Variants in NTM observed in about 807,000 individuals in gnomAD.
NTM encodes neurotrimin.
A neutral mutation model predicts 42.1 loss-of-function variants in NTM; 13 were observed. The ratio of observed to expected loss-of-function variants is 0.31; its 90% confidence interval spans 0.20 to 0.49. The LOEUF (loss-of-function observed/expected upper bound fraction) is 0.49, where lower values mean the gene tolerates loss of function less well. Among genes scored for constraint, NTM ranks in the 20% least tolerant of loss-of-function variants. The pLI is 0.99. For missense variants in NTM, 373 were observed against 452.8 expected (o/e 0.82, Z 1.60); for synonymous variants, 187 against 179.2 (o/e 1.04, Z -0.35).
intron 1 of NTM, among the ~76,000 whole-genome samples, chr11:131,802,954 G>A (rs2092248750): frequency 6.6e-6 from 1 of 152,190 alleles, no homozygotes; most frequent in South Asian, 2.1e-4. Flanking sequence ...ATGTGTTTGT[G>A]AGCAGACAGA....
chr11:131,750,587 A>G (rs768032474), intron 1 of NTM, among the ~76,000 whole-genome samples: 2 of 152,196 alleles, frequency 1.3e-5, no homozygotes, highest in African/African-American at 2.4e-5. Context: ...CTAAGTCATT[A>G]TTAAATCCTG....
chr11:132,298,793 T>C (rs2094722519), intron 4 of NTM, among the ~76,000 whole-genome samples: 1 of 152,216 alleles, frequency 6.6e-6, no homozygotes, highest in African/African-American at 2.4e-5. Flanking sequence ...TATTCAACCA[T>C]ATACACATAT....
chr11:131,491,227 C>T (rs931253017), intron 1 of NTM, among the ~76,000 whole-genome samples: 6 of 152,166 alleles, frequency 3.9e-5, no homozygotes, highest in African/African-American at 9.7e-5. Context: ...AATCAGTCAA[C>T]TATGCCAGAG....
intron 1 of NTM, among the ~76,000 whole-genome samples, chr11:131,847,434 T>A (rs1164440777): frequency 2.0e-5 from 3 of 151,970 alleles, no homozygotes; most frequent in Non-Finnish European, 4.4e-5. Flanking sequence ...GGTACAGAAA[T>A]AGACCATTGT....
intron 1 of NTM, among the ~76,000 whole-genome samples, chr11:131,881,502 ACACACACCCC>A (rs779840706): frequency 5.5e-4 from 84 of 151,462 alleles, no homozygotes; most frequent in Non-Finnish European, 1.1e-3. Flanking sequence ...ACACACACAC[ACACACACCCC>A]CCAAAGCTTT....
At chr11:131,378,191 G>A (rs1026929327) in intron 1 of NTM, among the ~76,000 whole-genome samples, 2 of 152,212 alleles carry the variant, frequency 1.3e-5, no homozygotes, top group African/African-American at 4.8e-5. Flanking sequence ...CTAATCTGCA[G>A]TCAGGTTGAA....
At chr11:132,207,970 G>T (rs1222012841) in intron 3 of NTM, among the ~76,000 whole-genome samples, 1 of 152,146 alleles carries the variant, frequency 6.6e-6, no homozygotes. Flanking sequence ...TTGAGGAAAA[G>T]GATGGTATCT....
At chr11:132,236,258 G>A (rs1486704846) in intron 4 of NTM, among the ~76,000 whole-genome samples, 1 of 152,154 alleles carries the variant, frequency 6.6e-6, no homozygotes, top group South Asian at 2.1e-4. Context: ...TTACAGATAA[G>A]AACATTGAAG....
intron 1 of NTM, among the ~76,000 whole-genome samples, chr11:131,857,452 G>T (rs995741998): frequency 1.3e-5 from 2 of 152,120 alleles, no homozygotes; most frequent in Non-Finnish European, 2.9e-5. Context: ...AATGAGTCCA[G>T]CTGGAAATCA....
At chr11:131,797,297 C>T (rs978344257) in intron 1 of NTM, among the ~76,000 whole-genome samples, 1 of 152,140 alleles carries the variant, frequency 6.6e-6, no homozygotes, top group Non-Finnish European at 1.5e-5. Context: ...TCCATCCACA[C>T]ATTGTTATAG....
At chr11:132,219,367 C>G (rs928434491) in intron 4 of NTM, among the ~76,000 whole-genome samples, 1 of 152,064 alleles carries the variant, frequency 6.6e-6, no homozygotes, top group Non-Finnish European at 1.5e-5. Context: ...CAGGAACCAC[C>G]CTAATGCTGT....
At chr11:131,554,329 T>C (rs1252375504) in intron 1 of NTM, among the ~76,000 whole-genome samples, 1 of 152,176 alleles carries the variant, frequency 6.6e-6, no homozygotes, top group Non-Finnish European at 1.5e-5. Context: ...CCTGTGATGG[T>C]TTGAGGCTTA....
At chr11:132,220,886 G>T (rs559846474) in intron 4 of NTM, among the ~76,000 whole-genome samples, 1 of 152,310 alleles carries the variant, frequency 6.6e-6, no homozygotes, top group Admixed American at 6.5e-5. Context: ...AGCCCCTACA[G>T]GGCAGGAGAC....
intron 2 of NTM, among the ~76,000 whole-genome samples, chr11:132,032,973 T>C (rs991156377): frequency 6.6e-6 from 1 of 152,310 alleles, no homozygotes; most frequent in Non-Finnish European, 1.5e-5. Flanking sequence ...TTTTTGAGCT[T>C]GACAGAAAGG....
chr11:132,039,424 T>G (rs958310733), intron 2 of NTM, among the ~76,000 whole-genome samples: 3 of 151,596 alleles, frequency 2.0e-5, no homozygotes, highest in Non-Finnish European at 2.9e-5. Flanking sequence ...AATTTTTTTT[T>G]TTTTTTTTTT....
At chr11:131,481,490 T>C (rs1408825234) in intron 1 of NTM, among the ~76,000 whole-genome samples, 1 of 152,190 alleles carries the variant, frequency 6.6e-6, no homozygotes, top group Non-Finnish European at 1.5e-5. Flanking sequence ...ACTTCAGATG[T>C]GGTTAATGTC....
chr11:132,320,007 G>A (rs2095524237), intron 7 of NTM, among the ~76,000 whole-genome samples: 1 of 152,176 alleles, frequency 6.6e-6, no homozygotes, highest in South Asian at 2.1e-4. Flanking sequence ...GGCAAACAGG[G>A]TCTGGAGTGG....
At chr11:131,689,931 G>A (rs887439640) in intron 1 of NTM, among the ~76,000 whole-genome samples, 7 of 152,196 alleles carry the variant, frequency 4.6e-5, no homozygotes, top group Non-Finnish European at 1.0e-4. Flanking sequence ...TGGCTCCCTC[G>A]TCCACATATG....
At chr11:132,267,435 G>A (rs554341411) in intron 4 of NTM, among the ~76,000 whole-genome samples, 3 of 150,640 alleles carry the variant, frequency 2.0e-5, no homozygotes, top group African/African-American at 7.3e-5. Flanking sequence ...ATAGTTGATG[G>A]GTTTCAAATC....
Sources: allele counts gnomAD v4.1 joint callset (sites outside exome capture counted in the v4.1 genomes callset), GRCh38; gene constraint gnomAD v4.1.1; transcripts MANE v1.5; gene names NCBI Gene and HGNC (gene_info 2026-07-23, HGNC 2026-07-21).